The following MYBL1 variants were observed in gnomAD, a reference collection of about 807,000 sequenced individuals.
MYBL1 encodes myb-related protein A.
Under a neutral mutation model 96.3 loss-of-function variants are expected in MYBL1, and 17 were observed. That is an observed-to-expected ratio of 0.18 (90% CI 0.12 to 0.26). The LOEUF is 0.26. Ranked by LOEUF, MYBL1 falls within the 10% of genes least tolerant of loss-of-function variation. The probability of loss-of-function intolerance (pLI) is 1.00; values close to 1 mark genes in which losing one functional copy is unlikely to be tolerated. For synonymous variants in MYBL1, 282 were observed against 292.7 expected (o/e 0.96, Z 0.37); for missense variants, 701 against 882.9 (o/e 0.79, Z 2.61).
At chr8:66,579,985 T>A in intron 9 of MYBL1, 148 bp downstream of exon 9, 1 of 561,214 alleles carries the variant, frequency 1.8e-6, no homozygotes, top group Non-Finnish European at 3.0e-6. Flanking sequence ...TTAAACTTTT[T>A]TCCCCTAGAA....
rs924179059 is a variant in MYBL1, at chr8:66,567,887, C to T, written c.1729-895G>A. Among the ~76,000 whole-genome samples, 3 of 151,598 alleles carry T rather than the reference C, an allele frequency of 2.0e-5. No homozygotes were observed. The South Asian group carries it at 6.2e-4, about 32-fold the overall frequency. ...GATCATCCTGGCCAACATGGTGAAA[C>T]CCCATCTCTACTAAAAACACAAAAA... is the stretch of plus-strand genomic sequence containing the variant. On this transcript the variant is annotated intron_variant, in intron 12 of 15. Transcript: ENST00000522677.
At position 66,599,138 on chromosome 8, in the gene MYBL1, C is replaced by T. The variant is rs767355502; in HGVS notation, c.203G>A (p.Arg68His). The change falls in exon 4 of 16, where the codon CGC (arginine) becomes CAC (histidine). Residue 68 changes from arginine to histidine, a missense_variant. Physicochemically the swap from Arg to His is conservative, Grantham distance 29. Coordinates refer to ENST00000522677, the MANE Select transcript of MYBL1 (RefSeq NM_001080416.4). ...WTLIASHLQN[R>H]SDFQCQHRWQ... ...TCGATGCTGGCACTGAAAATCAGAGCGATTCTGAAAAAATTTAGAAGATTT... is the reference window on the plus strand; with the variant it reads ...TCGATGCTGGCACTGAAAATCAGAGTGATTCTGAAAAAATTTAGAAGATTT... 1.9e-6 allele frequency: 3 copies of T among 1,568,912 alleles called. No individual in the cohort carries two copies. Among genetic ancestry groups the T allele is most frequent in the Non-Finnish European group, 1.7e-6 (2 of 1,162,022 alleles).
intron 8 of MYBL1, among the ~76,000 whole-genome samples, chr8:66,591,718 C>A (rs1032903113): frequency 2.0e-5 from 3 of 151,826 alleles, no homozygotes; most frequent in East Asian, 1.9e-4. Context: ...AATTTTGGAG[C>A]TCATAAATCC....
In MYBL1 at chr8:66,572,503, T is replaced by G. The variant is rs1808776335; in HGVS notation, c.1707A>C (p.Lys569Asn). ...FKNALAAQEK[K>N]YGPLKIVSQP... Reference sequence around the variant, plus strand: ...ATACCACAATTTTAAGAGGTCCATATTTTTTCTCCTGAGCAGCAAGCGCAT... The same window carrying G: ...ATACCACAATTTTAAGAGGTCCATAGTTTTTCTCCTGAGCAGCAAGCGCAT... Residue 569 changes from lysine (K) to asparagine (N), a missense_variant, in exon 12 of 16, where the codon AAA becomes AAC. Physicochemically the swap from Lys to Asn is moderately conservative, Grantham distance 94. Coordinates refer to ENST00000522677, the MANE Select transcript of MYBL1 (RefSeq NM_001080416.4). 6.3e-7 allele frequency: 1 copy of G among 1,589,324 alleles called. No homozygotes were observed. The highest frequency in any genetic ancestry group is 8.6e-7 in the Non-Finnish European group (1 of 1,162,490).
Position 66,605,579 on chromosome 8 carries a change from G to A in MYBL1, c.21-3056C>T, listed in dbSNP as rs190409722. Among the ~76,000 whole-genome samples the A allele has an allele frequency of 2.3e-3, 352 of 152,322 alleles. 2 individuals carry two copies. The highest frequency in any genetic ancestry group is 8.1e-3 in the African/African-American group (337 of 41,584). ...CTCCCACCTGTAATCCCAGCACTTT[G>A]GGAGGCTGAGGCAGGCGGATCACCT... On this transcript the variant is annotated intron_variant, in intron 1 of 15. Transcript: ENST00000522677.
intron 6 of MYBL1, 81 bp from the exon 7 acceptor site, chr8:66,593,275 G>T: frequency 1.2e-6 from 1 of 862,000 alleles, no homozygotes; most frequent in South Asian, 1.7e-5. Flanking sequence ...AAAAACTTTT[G>T]ACACAGTATC....
intron 1 of MYBL1, among the ~76,000 whole-genome samples, chr8:66,602,725 ATATATATATTTTTTTTTTTTTT>A (rs1273723130): frequency 6.3e-5 from 3 of 47,414 alleles, no homozygotes; most frequent in Non-Finnish European, 1.2e-4. Flanking sequence ...ATATATATAT[ATATATATATTTTTTTTTTTTTT>A]TTTTTTTTTT....
intron 8 of MYBL1, among the ~76,000 whole-genome samples, chr8:66,590,576 G>C (rs1809596923): frequency 6.8e-6 from 1 of 147,650 alleles, no homozygotes; most frequent in African/African-American, 2.5e-5. Flanking sequence ...AGGACCACAG[G>C]TGTGCACCAC....
Position 66,564,835 on chromosome 8 carries a change from AAATATT to A in MYBL1, c.2131-16_2131-11del. On this transcript the variant is annotated splice_polypyrimidine_tract_variant and intron_variant, in intron 15 of 15. Coordinates refer to ENST00000522677, the MANE Select transcript of MYBL1 (RefSeq NM_001080416.4). ...CCCATTCACAATTTGACTAGAAAGG[AAATATT>A]AATAGTGACATGAAAATTATTAAAA... 1 of 1,542,434 alleles carries A rather than the reference AAATATT, an allele frequency of 6.5e-7. No homozygotes were observed. The highest frequency in any genetic ancestry group is 8.8e-7 in the Non-Finnish European group (1 of 1,136,976).
chr8:66,597,847 T>TAAA (rs1189665191), intron 4 of MYBL1, among the ~76,000 whole-genome samples: 1 of 36,172 alleles, frequency 2.8e-5, no homozygotes, highest in Non-Finnish European at 5.3e-5. Flanking sequence ...CTCCTACATC[T>TAAA]AAAAAAAAAA....
chr8:66,604,481 T>C (rs1810230313), intron 1 of MYBL1, among the ~76,000 whole-genome samples: 1 of 151,336 alleles, frequency 6.6e-6, no homozygotes, highest in Non-Finnish European at 1.5e-5. Context: ...CACTCCAGCC[T>C]GGGCAACCAA....
intron 10 of MYBL1, among the ~76,000 whole-genome samples, chr8:66,575,372 T>C (rs1808894783): frequency 6.6e-6 from 1 of 152,240 alleles, no homozygotes; most frequent in African/African-American, 2.4e-5. Flanking sequence ...CGGATCTTAG[T>C]CTCAGCCTTG....
In MYBL1 at chr8:66,564,584, A is replaced by T; in HGVS notation, c.*113T>A. On this transcript the variant is annotated 3_prime_UTR_variant, in exon 16 of 16. Transcript: ENST00000522677. ...TAGAATAGAAAAAAGATGCTGTATTAAAAGGGCTATCTTACAACTTTAAAA... is the reference window on the plus strand; with the variant it reads ...TAGAATAGAAAAAAGATGCTGTATTTAAAGGGCTATCTTACAACTTTAAAA... The T allele has an allele frequency of 1.2e-6, 1 of 827,674 alleles. No homozygotes were observed. Among genetic ancestry groups the T allele is most frequent in the Non-Finnish European group, 1.7e-6 (1 of 586,068 alleles). 51.3% of individuals were successfully genotyped at this position (827,674 alleles called of 1,614,324 possible).
Position 66,612,834 on chromosome 8 carries a change from G to A in MYBL1, c.5C>T (p.Ala2Val). The part of the protein sequence containing the change: M[A>V]KRSRSEDEDD... ...TGCCACCCACCTGCGCGACCTCTTC[G>A]CCATCCTTCAAGTACCGCATAGGAG... The change falls in exon 1 of 16, where the codon GCG becomes GTG. Residue 2 changes from alanine to valine, a missense_variant. Coordinates refer to ENST00000522677, the MANE Select transcript of MYBL1 (RefSeq NM_001080416.4). 1 of 1,373,540 alleles carries A rather than the reference G, an allele frequency of 7.3e-7. No homozygotes were observed. The highest frequency in any genetic ancestry group is 9.5e-7 in the Non-Finnish European group (1 of 1,054,504). 85.1% of individuals were successfully genotyped at this position (1,373,540 alleles called of 1,614,324 possible).
chr8:66,576,677 T>C (rs1265546344), intron 9 of MYBL1, among the ~76,000 whole-genome samples: 1 of 152,228 alleles, frequency 6.6e-6, no homozygotes, highest in African/African-American at 2.4e-5. Context: ...TATTTCGTCA[T>C]AAAACTTCAC....
At chr8:66,584,755 C>T (rs1809345664) in intron 8 of MYBL1, among the ~76,000 whole-genome samples, 1 of 151,778 alleles carries the variant, frequency 6.6e-6, no homozygotes, top group Non-Finnish European at 1.5e-5. Flanking sequence ...AACAAACTAG[C>T]ACAAAAAGAA....
intron 8 of MYBL1, among the ~76,000 whole-genome samples, chr8:66,582,541 CAAAAAAAAAAA>C (rs34952299): frequency 2.5e-4 from 12 of 48,260 alleles, no homozygotes; most frequent in South Asian, 1.9e-3. Context: ...TCCATCTCTA[CAAAAAAAAAAA>C]AAAAAAAAAA....
intron 3 of MYBL1, 40 bp from the exon 4 acceptor site, chr8:66,599,182 T>C (rs754582159): frequency 6.9e-7 from 1 of 1,453,438 alleles, no homozygotes; most frequent in Admixed American, 2.4e-5. Flanking sequence ...AACAACTGTC[T>C]TCCAGAAAGC....
At chr8:66,571,600 G>A (rs186446549) in intron 12 of MYBL1, among the ~76,000 whole-genome samples, 126 of 152,276 alleles carry the variant, frequency 8.3e-4, no homozygotes, top group African/African-American at 2.3e-3. Flanking sequence ...AAAGTGTTCC[G>A]ACAGGGCGCA....
Sources: allele counts gnomAD v4.1 joint callset (sites outside exome capture counted in the v4.1 genomes callset), GRCh38; gene constraint gnomAD v4.1.1; transcripts MANE v1.5; gene names NCBI Gene and HGNC (gene_info 2026-07-23, HGNC 2026-07-21).